Variants in AGMO observed in about 807,000 individuals in gnomAD.
AGMO encodes glyceryl-ether monooxygenase.
Under a neutral mutation model 60.2 loss-of-function variants are expected in AGMO, and 75 were observed. The ratio of observed to expected loss-of-function variants is 1.25; its 90% CI spans 1.03 to 1.51. The LOEUF is 1.51. Ranked by LOEUF, AGMO falls within the 40% of genes most tolerant of loss-of-function variation. AGMO has a pLI of 0.00. For synonymous variants in AGMO, 261 were observed against 177.1 expected (o/e 1.47, Z -3.76); for missense variants, 763 against 525.5 (o/e 1.45, Z -4.42).
chr7:15,233,025 A>G (rs1782303664), intron 12 of AGMO, among the ~76,000 whole-genome samples: 1 of 152,202 alleles, frequency 6.6e-6, no homozygotes, highest in Admixed American at 6.5e-5. Flanking sequence ...ATGGAATTTT[A>G]TGCCATGCAT....
the AGMO span, among the ~76,000 whole-genome samples, chr7:15,153,184 G>T: frequency 5.4e-5 from 8 of 147,174 alleles, no homozygotes; most frequent in African/African-American, 2.0e-4. Context: ...TGATAGGATT[G>T]TTTTTTTTTT....
the AGMO span, among the ~76,000 whole-genome samples, chr7:15,126,462 T>C: frequency 1.3e-5 from 2 of 152,078 alleles, no homozygotes; most frequent in African/African-American, 4.8e-5. Flanking sequence ...AAAGAATGTG[T>C]ACTCCTGATA....
intron 3 of AGMO, among the ~76,000 whole-genome samples, chr7:15,510,186 G>A (rs990185212): frequency 2.0e-5 from 3 of 152,038 alleles, no homozygotes; most frequent in Non-Finnish European, 4.4e-5. Context: ...TTGTTTTTGA[G>A]ATAGGGTCTC....
chr7:15,374,816 C>G (rs1783380955), intron 10 of AGMO, among the ~76,000 whole-genome samples: 1 of 151,974 alleles, frequency 6.6e-6, no homozygotes, highest in South Asian at 2.1e-4. Flanking sequence ...ACCAAGAAGG[C>G]TAGCATTTGG....
intron 3 of AGMO, among the ~76,000 whole-genome samples, chr7:15,518,411 T>C (rs925003849): frequency 6.6e-6 from 1 of 152,068 alleles, no homozygotes; most frequent in African/African-American, 2.4e-5. Flanking sequence ...AGGCACCTCA[T>C]ACAGGAGAGC....
At chr7:15,366,685 G>C (rs1382400292) in intron 10 of AGMO, among the ~76,000 whole-genome samples, 1 of 151,834 alleles carries the variant, frequency 6.6e-6, no homozygotes, top group Admixed American at 6.6e-5. Context: ...ATATATAAAG[G>C]AGATTACACA....
At chr7:15,300,033 G>A (rs1784523998) in intron 12 of AGMO, among the ~76,000 whole-genome samples, 1 of 152,012 alleles carries the variant, frequency 6.6e-6, no homozygotes, top group South Asian at 2.1e-4. Context: ...AATTTGAGAA[G>A]AGAAAAATAT....
chr7:15,357,439 G>GT (rs1782581364), intron 12 of AGMO, among the ~76,000 whole-genome samples: 1 of 152,014 alleles, frequency 6.6e-6, no homozygotes. Context: ...CCTCAGCGTG[G>GT]TAGACGGATA....
intron 12 of AGMO, among the ~76,000 whole-genome samples, chr7:15,269,900 G>C (rs1783545735): frequency 6.6e-6 from 1 of 151,960 alleles, no homozygotes; most frequent in African/African-American, 2.4e-5. Flanking sequence ...CTAAGGATAA[G>C]GGCCTCCAGC....
chr7:15,453,586 G>T (rs1781912697), intron 3 of AGMO, among the ~76,000 whole-genome samples: 1 of 152,136 alleles, frequency 6.6e-6, no homozygotes, highest in African/African-American at 2.4e-5. Context: ...ATTCAAACCA[G>T]GTCTTGAAGC....
At chr7:15,342,816 TTCTACC>T in intron 12 of AGMO, among the ~76,000 whole-genome samples, 1 of 140,176 alleles carries the variant, frequency 7.1e-6, no homozygotes, top group Non-Finnish European at 1.5e-5. Flanking sequence ...TTGATCTGAA[TTCTACC>T]TCTACAACTT....
intron 12 of AGMO, among the ~76,000 whole-genome samples, chr7:15,286,615 A>T (rs1473857163): frequency 5.3e-5 from 8 of 152,182 alleles, no homozygotes; most frequent in Admixed American, 5.2e-4. Context: ...ATGCTCATAC[A>T]CTGCTGGTGG....
intron 3 of AGMO, among the ~76,000 whole-genome samples, chr7:15,493,474 C>G (rs973716243): frequency 2.0e-5 from 3 of 148,796 alleles, no homozygotes; most frequent in African/African-American, 7.5e-5. Context: ...CCCGGGTTCA[C>G]GCCATTCTCC....
At chr7:15,246,225 GT>G (rs1782737174) in intron 12 of AGMO, among the ~76,000 whole-genome samples, 1 of 151,952 alleles carries the variant, frequency 6.6e-6, no homozygotes, top group African/African-American at 2.4e-5. Context: ...ATAGCTTCAA[GT>G]GGTTAAAATA....
chr7:15,286,955 TAAG>T (rs752634052), intron 12 of AGMO, among the ~76,000 whole-genome samples: 22 of 152,158 alleles, frequency 1.4e-4, no homozygotes, highest in Non-Finnish European at 2.8e-4. Flanking sequence ...GCCATTATTC[TAAG>T]AAGTAACTCA....
At chr7:15,292,555 T>A (rs1170721596) in intron 12 of AGMO, among the ~76,000 whole-genome samples, 1 of 152,136 alleles carries the variant, frequency 6.6e-6, no homozygotes, top group Admixed American at 6.5e-5. Context: ...TATTTTAAAC[T>A]TAAAGAAAAG....
At chr7:15,507,387 G>A (rs1783542591) in intron 3 of AGMO, among the ~76,000 whole-genome samples, 1 of 152,052 alleles carries the variant, frequency 6.6e-6, no homozygotes, top group African/African-American at 2.4e-5. Flanking sequence ...TGTCCACAAA[G>A]TCAAACTTGA....
chr7:15,147,094 G>T, the AGMO span, among the ~76,000 whole-genome samples: 1 of 152,052 alleles, frequency 6.6e-6, no homozygotes, highest in African/African-American at 2.4e-5. Flanking sequence ...CCTTCTTGTT[G>T]CTTGGCCTTC....
chr7:15,120,065 C>A, the AGMO span, among the ~76,000 whole-genome samples: 3 of 151,752 alleles, frequency 2.0e-5, no homozygotes, highest in African/African-American at 7.3e-5. Context: ...ATTACTAGAT[C>A]TTTTCCGTTG....
Sources: allele counts gnomAD v4.1 joint callset (sites outside exome capture counted in the v4.1 genomes callset), GRCh38; gene constraint gnomAD v4.1.1; transcripts MANE v1.5; gene names NCBI Gene and HGNC (gene_info 2026-07-23, HGNC 2026-07-21).